The following ATP2A2 variants were observed in gnomAD, a reference collection of about 807,000 sequenced individuals.
ATP2A2 encodes the protein ATPase sarcoplasmic/endoplasmic reticulum Ca2+ transporting 2.
Under a neutral mutation model 109.3 loss-of-function variants are expected in ATP2A2, and 14 were observed. The observed-to-expected ratio is 0.13, with a 90% CI of 0.08 to 0.20. ATP2A2 has a LOEUF of 0.20. Among genes scored for constraint, ATP2A2 ranks in the 10% least tolerant of loss-of-function variants. ATP2A2 has a pLI of 1.00. For missense variants in ATP2A2, 657 were observed against 1,321.6 expected, an observed-to-expected ratio of 0.50 and a Z score of 7.80; for synonymous variants, 506 against 490.9, an observed-to-expected ratio of 1.03 and a Z score of -0.41.
At chr12:110,332,325 G>T (rs1463603434) in intron 8 of ATP2A2, 1 of 449,556 alleles carries the variant, frequency 2.2e-6, no homozygotes, top group Non-Finnish European at 4.1e-6. Flanking sequence ...TGGTGCCACT[G>T]CTGCTCATTC....
At chr12:110,322,649 T>A (rs1330693983) in intron 5 of ATP2A2, among the ~76,000 whole-genome samples, 1 of 152,218 alleles carries the variant, frequency 6.6e-6, no homozygotes, top group African/African-American at 2.4e-5. Context: ...GCCTTGTGTA[T>A]ATGTAGTAAG....
Position 110,282,811 on chromosome 12 carries a change from T to C in ATP2A2, c.219+16T>C, listed in dbSNP as rs775565078. 1.2e-5 allele frequency: 19 copies of C among 1,591,618 alleles called. No homozygotes were observed. Among genetic ancestry groups the C allele is most frequent in the Middle Eastern group, 2.0e-4 (1 of 5,036 alleles). ...TATATCTTTTGTAAGTATAAAAAAA[T>C]TTATTTTCTTTCCCCCCAAAAGCTG... On this transcript the variant is annotated intron_variant, in intron 3 of 19. Coordinates refer to ENST00000539276, the MANE Select transcript of ATP2A2 (RefSeq NM_170665.4).
Position 110,340,007 on chromosome 12 carries a change from A to T in ATP2A2, c.1761+286A>T, listed in dbSNP as rs1879196384. 6.6e-6 allele frequency among the ~76,000 whole-genome samples: 1 copy of T among 152,086 alleles called. No homozygotes were observed. The highest frequency in any genetic ancestry group is 2.1e-4 in the South Asian group (1 of 4,816). On this transcript the variant is annotated intron_variant, in intron 13 of 19. Coordinates refer to ENST00000539276, the MANE Select transcript of ATP2A2 (RefSeq NM_170665.4). The surrounding 1 kb of genome is among the most constrained non-coding windows in gnomAD (Gnocchi z 6.0). ...CATTTTGCCTCTCATCTAAATCATG[A>T]TTTTTTTTAAATTGGTGACATTTCT...
intron 5 of ATP2A2, among the ~76,000 whole-genome samples, chr12:110,318,709 G>A (rs1876926128): frequency 6.6e-6 from 1 of 152,180 alleles, no homozygotes; most frequent in Non-Finnish European, 1.5e-5. Flanking sequence ...CCTGACCTCA[G>A]GTGATCTGCC....
At chr12:110,307,893 A>G (rs1875558110) in intron 5 of ATP2A2, among the ~76,000 whole-genome samples, 1 of 152,174 alleles carries the variant, frequency 6.6e-6, no homozygotes, top group South Asian at 2.1e-4. Context: ...TTTGCTTTTG[A>G]GGCTTAGTCA....
Position 110,309,518 on chromosome 12 carries a change from G to A in ATP2A2, c.463+12781G>A, listed in dbSNP as rs147987392. Among the ~76,000 whole-genome samples the A allele has an allele frequency of 7.8e-4, 118 of 152,256 alleles. 1 individual carries two copies. The highest frequency in any genetic ancestry group is 3.4e-3 in the Middle Eastern group (1 of 294). On this transcript the variant is annotated intron_variant, in intron 5 of 19. Coordinates refer to ENST00000539276, the MANE Select transcript of ATP2A2 (RefSeq NM_170665.4). ...ATCATTCCAAAGAGAAACTGGGTAA[G>A]CATACATAGCAAATGCTAATGTGAG... is the stretch of plus-strand genomic sequence containing the variant.
At position 110,346,508 on chromosome 12, in the gene ATP2A2, AATT is replaced by A. The variant is rs764354164; in HGVS notation, c.*40_*42del. On this transcript the variant is annotated 3_prime_UTR_variant, in exon 20 of 20. Coordinates refer to ENST00000539276, the MANE Select transcript of ATP2A2 (RefSeq NM_170665.4). The stretch of plus-strand genomic sequence containing the variant: ...CATAAAGAAGATGTTTAACTTAATC[AATT>A]AATTTTTTTATTGTTTAAAGCAACT... The A allele has an allele frequency of 6.2e-7, 1 of 1,611,900 alleles. No individual in the cohort carries two copies. Among genetic ancestry groups the A allele is most frequent in the Admixed American group, 1.7e-5 (1 of 59,966 alleles).
intron 4 of ATP2A2, among the ~76,000 whole-genome samples, chr12:110,292,641 G>A (rs911817549): frequency 5.3e-5 from 8 of 152,060 alleles, no homozygotes; most frequent in African/African-American, 1.9e-4. Flanking sequence ...CTCATTCTTC[G>A]CCAAGTGTGG....
At chr12:110,316,878 T>C (rs1203592684) in intron 5 of ATP2A2, among the ~76,000 whole-genome samples, 1 of 152,174 alleles carries the variant, frequency 6.6e-6, no homozygotes. Context: ...CAAACAGCAC[T>C]TGGGTCATGG....
At chr12:110,289,889 AG>A (rs1873080408) in intron 3 of ATP2A2, among the ~76,000 whole-genome samples, 1 of 152,198 alleles carries the variant, frequency 6.6e-6, no homozygotes, top group South Asian at 2.1e-4. Flanking sequence ...CATTGTGGTG[AG>A]TTCTCTCTTT....
intron 4 of ATP2A2, among the ~76,000 whole-genome samples, chr12:110,295,450 C>T (rs1873867452): frequency 6.6e-6 from 1 of 152,202 alleles, no homozygotes; most frequent in Non-Finnish European, 1.5e-5. Context: ...CAGGCATGAG[C>T]TACTGTGCTC....
intron 8 of ATP2A2, among the ~76,000 whole-genome samples, chr12:110,328,407 C>A (rs1218868876): frequency 6.6e-6 from 1 of 151,982 alleles, no homozygotes; most frequent in Non-Finnish European, 1.5e-5. Flanking sequence ...CCTGTCTCTA[C>A]CGAAAAGACA....
chr12:110,305,769 G>A (rs1183030834), intron 5 of ATP2A2, among the ~76,000 whole-genome samples: 1 of 152,096 alleles, frequency 6.6e-6, no homozygotes, highest in Non-Finnish European at 1.5e-5. Flanking sequence ...TCTGCAGAAA[G>A]CAAGCTGGTA....
rs532321002 is a variant in ATP2A2, at chr12:110,289,692, A to G, written c.220-2328A>G. Reference sequence around the variant, plus strand: ...ATGATTTACTAAGTAGATCTTTTAAAGAAGATTTTATTATGAAATATGCAA... The same window carrying G: ...ATGATTTACTAAGTAGATCTTTTAAGGAAGATTTTATTATGAAATATGCAA... On this transcript the variant is annotated intron_variant, in intron 3 of 19. Transcript: ENST00000539276. 1.1e-4 allele frequency among the ~76,000 whole-genome samples: 16 copies of G among 152,314 alleles called. No individual in the cohort carries two copies. In the South Asian group the frequency reaches 3.3e-3, roughly 32 times the overall value.
chr12:110,348,514 T>G lies in ATP2A2; in HGVS notation c.*2044T>G. On this transcript the variant is annotated 3_prime_UTR_variant, in exon 20 of 20. Coordinates refer to ENST00000539276, the MANE Select transcript of ATP2A2 (RefSeq NM_170665.4). ...GGCATCAAGCAGGACAAGGTGCTGC[T>G]GAGTTCAGAGGGCCCACGTTCAAGG... is the stretch of plus-strand genomic sequence containing the variant. 1.0e-6 allele frequency: 1 copy of G among 985,560 alleles called. No individual in the cohort carries two copies. The highest frequency in any genetic ancestry group is 1.2e-6 in the Non-Finnish European group (1 of 830,042). 61.1% of individuals were successfully genotyped at this position (985,560 alleles called of 1,614,324 possible).
chr12:110,324,017 G>T (rs1361869612), intron 6 of ATP2A2, among the ~76,000 whole-genome samples: 1 of 152,160 alleles, frequency 6.6e-6, no homozygotes, highest in Non-Finnish European at 1.5e-5. Flanking sequence ...GATGAAAATT[G>T]TACTACCTGG....
chr12:110,335,010 C>T lies in ATP2A2; in HGVS notation c.1419+867C>T, dbSNP rs945628569. 3.3e-5 allele frequency among the ~76,000 whole-genome samples: 5 copies of T among 152,226 alleles called. No individual in the cohort carries two copies. In the East Asian group the frequency reaches 9.6e-4, roughly 29 times the overall value. ...GGCACCCACATTGTTCATGTATACA[C>T]TGAACAAATAAGTGGCCTCTGAGCC... On this transcript the variant is annotated intron_variant, in intron 11 of 19. Coordinates refer to ENST00000539276, the MANE Select transcript of ATP2A2 (RefSeq NM_170665.4).
intron 3 of ATP2A2, among the ~76,000 whole-genome samples, chr12:110,284,138 A>G (rs1163948961): frequency 6.6e-6 from 1 of 152,192 alleles, no homozygotes; most frequent in South Asian, 2.1e-4. Flanking sequence ...GTCAGTCACA[A>G]TGTACCTCTG....
Position 110,293,824 on chromosome 12 carries a change from A to ATGTGTGTG in ATP2A2, c.324+1701_324+1702insGTGTGTGT, listed in dbSNP as rs1260963887. Reference sequence around the variant, plus strand: ...TTAGAGATTTGTAATTGTGCCATATATATGTGTGTGTGTGTGTGTGTGTGT... The same window carrying ATGTGTGTG: ...TTAGAGATTTGTAATTGTGCCATATATGTGTGTGTATGTGTGTGTGTGTGTGTGTGTGT... On this transcript the variant is annotated intron_variant, in intron 4 of 19. Transcript: ENST00000539276. 2.4e-4 allele frequency among the ~76,000 whole-genome samples: 30 copies of ATGTGTGTG among 126,424 alleles called. 1 individual carries two copies. The Middle Eastern group carries it at 0.02, about 86-fold the overall frequency. 82.9% of individuals were successfully genotyped at this position (126,424 alleles called of 152,430 possible).
Sources: gnomAD v4.1 joint callset for allele counts (sites outside exome capture counted in the v4.1 genomes callset) on GRCh38, gnomAD v4.1.1 for gene constraint, Gnocchi (gnomAD v3.1) non-coding constraint, MANE v1.5 for transcripts, NCBI Gene and HGNC (gene_info 2026-07-23, HGNC 2026-07-21) for gene names.